HUNK: variants seen among roughly 807,000 people sequenced by gnomAD.
The protein encoded by HUNK is hormonally up-regulated neu tumor-associated kinase.
HUNK carries 21 observed loss-of-function variants against 61.0 expected under a neutral mutation model. That is an observed-to-expected ratio of 0.34 (90% CI 0.24 to 0.50). The LOEUF is 0.50. Ranked by LOEUF, HUNK falls within the 20% of genes least tolerant of loss-of-function variation. The pLI, the probability that HUNK is intolerant of heterozygous loss-of-function variation, is 0.98. For synonymous variants in HUNK, 371 were observed against 386.1 expected, an observed-to-expected ratio of 0.96 and a Z score of 0.46; for missense variants, 772 against 945.7, an observed-to-expected ratio of 0.82 and a Z score of 2.41.
intron 4 of HUNK, among the ~76,000 whole-genome samples, chr21:31,955,088 A>G (rs1055756328): frequency 6.6e-5 from 10 of 151,940 alleles, no homozygotes; most frequent in Non-Finnish European, 1.2e-4. Context: ...CGCCTGGCTG[A>G]ATGTGCATTT....
At chr21:31,877,653 A>G (rs1220586376) in intron 1 of HUNK, among the ~76,000 whole-genome samples, 6 of 152,214 alleles carry the variant, frequency 3.9e-5, no homozygotes, top group South Asian at 2.1e-4. Flanking sequence ...GTCTTTGACC[A>G]AAGTTGATGA....
At chr21:31,943,501 G>A (rs1173129765) in intron 3 of HUNK, among the ~76,000 whole-genome samples, 1 of 152,194 alleles carries the variant, frequency 6.6e-6, no homozygotes, top group East Asian at 1.9e-4. Context: ...AGGCAGATGT[G>A]TACAGTTTTA....
At chr21:31,986,746 C>A (rs1421367842) in intron 8 of HUNK, among the ~76,000 whole-genome samples, 3 of 152,128 alleles carry the variant, frequency 2.0e-5, no homozygotes, top group Non-Finnish European at 4.4e-5. Flanking sequence ...GCTCCCTCTT[C>A]CAGAGTGTTT....
chr21:31,966,804 A>C (rs2052970025), intron 5 of HUNK, among the ~76,000 whole-genome samples: 1 of 152,234 alleles, frequency 6.6e-6, no homozygotes. Flanking sequence ...GGGACCAAGC[A>C]CATTATTATT....
In HUNK at chr21:31,974,586, G is replaced by A. The variant is rs776501076; in HGVS notation, c.1042G>A (p.Val348Met). 4 of 1,613,888 alleles carry A rather than the reference G, an allele frequency of 2.5e-6. No individual in the cohort carries two copies. The highest frequency in any genetic ancestry group is 1.7e-5 in the Admixed American group (1 of 59,996). ...ISLEDLSPSVVLHMTEKLGYK... is the reference protein window; with the variant it reads ...ISLEDLSPSVMLHMTEKLGYK... ...TCTGGAAGATCTGAGCCCGAGCGTC[G>A]TGCTGCACATGACCGAGAAGCTGGG... is the stretch of plus-strand genomic sequence containing the variant. The change falls in exon 7 of 11, where the codon GTG becomes ATG. Residue 348 changes from valine to methionine, a missense_variant. Around this residue, in one of 2 missense-constraint regions of HUNK, gnomAD observed 359 missense variants for 501.3 expected, o/e 0.72. Coordinates refer to ENST00000270112, the MANE Select transcript of HUNK (RefSeq NM_014586.2).
chr21:31,920,952 G>C (rs530848382), intron 1 of HUNK, among the ~76,000 whole-genome samples: 18 of 152,220 alleles, frequency 1.2e-4, no homozygotes, highest in Non-Finnish European at 2.5e-4. Flanking sequence ...AGGAGTTTGA[G>C]ACTAGCCTGG....
At chr21:31,885,090 C>A (rs1423406926) in intron 1 of HUNK, among the ~76,000 whole-genome samples, 1 of 151,988 alleles carries the variant, frequency 6.6e-6, no homozygotes, top group Non-Finnish European at 1.5e-5. Context: ...ATTGTCTGTT[C>A]TTTATAAGGC....
chr21:31,974,229 C>T (rs1260381942), intron 6 of HUNK: 3 of 184,296 alleles, frequency 1.6e-5, no homozygotes, highest in African/African-American at 4.7e-5. Context: ...GATGGTATTG[C>T]GGTTCTGTGG....
intron 1 of HUNK, among the ~76,000 whole-genome samples, chr21:31,897,143 G>C (rs1312911956): frequency 6.6e-6 from 1 of 152,176 alleles, no homozygotes; most frequent in East Asian, 1.9e-4. Context: ...ACTTTTGGGA[G>C]GCTGAAGTGG....
At chr21:31,877,641 G>A (rs990073641) in intron 1 of HUNK, among the ~76,000 whole-genome samples, 2 of 152,194 alleles carry the variant, frequency 1.3e-5, no homozygotes, top group Admixed American at 6.5e-5. Context: ...TCAGGGCTGA[G>A]TGTCTTTGAC....
intron 5 of HUNK, among the ~76,000 whole-genome samples, chr21:31,963,027 G>A (rs892716909): frequency 1.3e-5 from 2 of 152,244 alleles, no homozygotes; most frequent in African/African-American, 4.8e-5. Context: ...TTGAGGATCA[G>A]CTGCTGCCCT....
At chr21:31,910,904 A>T (rs1243350636) in intron 1 of HUNK, among the ~76,000 whole-genome samples, 1 of 152,214 alleles carries the variant, frequency 6.6e-6, no homozygotes, top group Non-Finnish European at 1.5e-5. Context: ...CAATGCCTAC[A>T]CATCACTTCA....
At position 31,889,936 on chromosome 21, in the gene HUNK, T is replaced by TA. The variant is rs554551245; in HGVS notation, c.261+16006dup. Among the ~76,000 whole-genome samples the TA allele has an allele frequency of 8.9e-3, 1,359 of 152,276 alleles. 8 individuals carry two copies. Among genetic ancestry groups the TA allele is most frequent in the Non-Finnish European group, 0.014 (963 of 68,014 alleles). Reference sequence around the variant, plus strand: ...TATTACTCAACAGTGCATTTATTTTTAAAAAGTCTAATATAAATCAGTGTT... The same window carrying TA: ...TATTACTCAACAGTGCATTTATTTTTAAAAAAGTCTAATATAAATCAGTGTT... On this transcript the variant is annotated intron_variant, in intron 1 of 10. Transcript: ENST00000270112.
At position 31,892,162 on chromosome 21, in the gene HUNK, A is replaced by ATAT. The variant is rs1555875740; in HGVS notation, c.261+18227_261+18228insTAT. On this transcript the variant is annotated intron_variant, in intron 1 of 10. Coordinates refer to ENST00000270112, the MANE Select transcript of HUNK (RefSeq NM_014586.2). ...GAGAATTTGGTTAAAAAAAAAAAAA[A>ATAT]ATATATATATATATATATAGAGAGA... Among the ~76,000 whole-genome samples, 608 of 113,950 alleles carry ATAT rather than the reference A, an allele frequency of 5.3e-3. 5 individuals are homozygous for ATAT. Among genetic ancestry groups the ATAT allele is most frequent in the African/African-American group, 0.019 (538 of 28,678 alleles). The allele number at this position is 113,950 out of a possible 152,430, so 74.8% of individuals were successfully genotyped here.
chr21:31,923,994 C>T lies in HUNK; in HGVS notation c.262-474C>T, dbSNP rs562614466. Reference sequence around the variant, plus strand: ...TTTGGGCAGTGTCCCCCAACCATGCCTTGGAACTAAGATTGGGGGAAGATT... The same window carrying T: ...TTTGGGCAGTGTCCCCCAACCATGCTTTGGAACTAAGATTGGGGGAAGATT... On this transcript the variant is annotated intron_variant, in intron 1 of 10. Coordinates refer to ENST00000270112, the MANE Select transcript of HUNK (RefSeq NM_014586.2). Among the ~76,000 whole-genome samples, 53 of 152,080 alleles carry T rather than the reference C, an allele frequency of 3.5e-4. No homozygotes were observed. In the South Asian group the frequency reaches 0.011, roughly 30 times the overall value.
intron 1 of HUNK, among the ~76,000 whole-genome samples, chr21:31,909,129 A>C (rs1009518646): frequency 1.3e-5 from 2 of 152,186 alleles, no homozygotes; most frequent in Non-Finnish European, 2.9e-5. Context: ...GTGGATAATA[A>C]ATGCATCTTG....
At chr21:31,935,621 G>A (rs780588559) in intron 2 of HUNK, among the ~76,000 whole-genome samples, 13 of 151,744 alleles carry the variant, frequency 8.6e-5, no homozygotes, top group African/African-American at 2.4e-4. Context: ...TTTTACCATC[G>A]CCATAGATTC....
intron 7 of HUNK, among the ~76,000 whole-genome samples, chr21:31,980,700 G>C (rs1282809117): frequency 6.7e-6 from 1 of 149,942 alleles, no homozygotes; most frequent in Non-Finnish European, 1.5e-5. Flanking sequence ...CCCGGCCTGG[G>C]CCTAAGTCTT....
At chr21:31,981,685 A>G (rs1387851659) in intron 7 of HUNK, among the ~76,000 whole-genome samples, 2 of 152,126 alleles carry the variant, frequency 1.3e-5, no homozygotes, top group African/African-American at 4.8e-5. Flanking sequence ...TGAAAACACT[A>G]TTGATTTTTG....
Sources: gnomAD v4.1 joint callset for allele counts (sites outside exome capture counted in the v4.1 genomes callset) on GRCh38, gnomAD v4.1.1 for gene constraint, gnomAD v4.1.1 regional missense constraint, MANE v1.5 for transcripts, NCBI Gene and HGNC (gene_info 2026-07-23, HGNC 2026-07-21) for gene names.